SCAPER: variants seen among roughly 807,000 people sequenced by gnomAD.
The protein encoded by SCAPER is S-phase cyclin A associated protein in the ER, also known as S phase cyclin A-associated protein in the endoplasmic reticulum.
A neutral mutation model predicts 182.2 loss-of-function variants in SCAPER; 98 were observed. That is an observed-to-expected ratio of 0.54 (90% CI 0.46 to 0.64). The LOEUF (loss-of-function observed/expected upper bound fraction) is 0.64, where lower values mean the gene tolerates loss of function less well. Ranked by LOEUF, SCAPER falls within the 30% of genes least tolerant of loss-of-function variation. The probability of loss-of-function intolerance (pLI) is 0.00; values close to 1 mark genes in which losing one functional copy is unlikely to be tolerated. For missense variants in SCAPER, 1,432 were observed against 1,690.0 expected (o/e 0.85, Z 2.68); for synonymous variants, 605 against 564.6 (o/e 1.07, Z -1.01).
chr15:76,692,802 A>G (rs1439482489), intron 20 of SCAPER, among the ~76,000 whole-genome samples: 1 of 151,920 alleles, frequency 6.6e-6, no homozygotes, highest in Non-Finnish European at 1.5e-5. Flanking sequence ...AAAAGGAAAA[A>G]AAAAGTCAAA....
At chr15:76,558,714 C>T (rs1004554422) in intron 23 of SCAPER, among the ~76,000 whole-genome samples, 1 of 152,014 alleles carries the variant, frequency 6.6e-6, no homozygotes, top group African/African-American at 2.4e-5. Flanking sequence ...TAAAGACACA[C>T]GCACATGTAT....
intron 20 of SCAPER, among the ~76,000 whole-genome samples, chr15:76,675,003 G>T (rs933803340): frequency 1.3e-5 from 2 of 152,156 alleles, no homozygotes; most frequent in Admixed American, 1.3e-4. Context: ...TAGCCATAAT[G>T]AAATGTTACC....
intron 21 of SCAPER, among the ~76,000 whole-genome samples, chr15:76,660,012 T>C (rs746949785): frequency 5.9e-5 from 9 of 151,576 alleles, no homozygotes; most frequent in Non-Finnish European, 1.2e-4. Context: ...AATGGGAGAG[T>C]GGACAAAGAA....
chr15:76,382,617 A>T (rs1374225967), intron 27 of SCAPER, among the ~76,000 whole-genome samples: 2 of 152,168 alleles, frequency 1.3e-5, no homozygotes, highest in East Asian at 3.9e-4. Flanking sequence ...CTAAGGAATC[A>T]CCTCTCCTTA....
At chr15:76,887,871 C>T (rs1182629207) in intron 1 of SCAPER, among the ~76,000 whole-genome samples, 5 of 152,324 alleles carry the variant, frequency 3.3e-5, no homozygotes, top group Admixed American at 1.3e-4. Flanking sequence ...CCCTGACCCC[C>T]GTGTAGCCTA....
At chr15:76,503,415 A>G (rs181560155) in intron 24 of SCAPER, among the ~76,000 whole-genome samples, 1 of 152,318 alleles carries the variant, frequency 6.6e-6, no homozygotes, top group African/African-American at 2.4e-5. Context: ...GAATACCTAT[A>G]CCATTCTTCA....
intron 25 of SCAPER, among the ~76,000 whole-genome samples, chr15:76,441,790 A>G (rs2142695240): frequency 6.6e-6 from 1 of 152,292 alleles, no homozygotes; most frequent in East Asian, 1.9e-4. Context: ...CCAGTGCAAT[A>G]GTTACCTCCT....
chr15:76,701,895 C>A, intron 19 of SCAPER, 30 bp from the exon 20 acceptor site: 1 of 1,485,000 alleles, frequency 6.7e-7, no homozygotes, highest in Non-Finnish European at 9.4e-7. Flanking sequence ...GCAATGTAAT[C>A]AATATAACAT....
At chr15:76,497,989 CAAA>C (rs747096625) in intron 24 of SCAPER, among the ~76,000 whole-genome samples, 7 of 58,322 alleles carry the variant, frequency 1.2e-4, no homozygotes, top group African/African-American at 2.5e-4. Context: ...GACTCCGTCT[CAAA>C]AAAAAAAAAA....
chr15:76,770,079 T>C (rs535008997), intron 10 of SCAPER, among the ~76,000 whole-genome samples: 1 of 151,904 alleles, frequency 6.6e-6, no homozygotes, highest in Non-Finnish European at 1.5e-5. Context: ...CTGGAAACCA[T>C]CATTCTAAGC....
At chr15:76,548,733 G>C (rs2045503454) in intron 23 of SCAPER, among the ~76,000 whole-genome samples, 1 of 152,204 alleles carries the variant, frequency 6.6e-6, no homozygotes, top group Admixed American at 6.5e-5. Flanking sequence ...TGGAAAACTG[G>C]CTAGCCAGAT....
At chr15:76,500,431 T>C (rs1421437353) in intron 24 of SCAPER, among the ~76,000 whole-genome samples, 1 of 152,198 alleles carries the variant, frequency 6.6e-6, no homozygotes, top group East Asian at 1.9e-4. Flanking sequence ...CTCTTTTTGG[T>C]GGCCCAAGAG....
chr15:76,796,366 T>G (rs1459719859), intron 7 of SCAPER, among the ~76,000 whole-genome samples: 1 of 152,230 alleles, frequency 6.6e-6, no homozygotes, highest in African/African-American at 2.4e-5. Flanking sequence ...CAAAAATTTA[T>G]CTTAGTTTTC....
intron 20 of SCAPER, among the ~76,000 whole-genome samples, chr15:76,701,311 T>G (rs1245821432): frequency 6.6e-6 from 1 of 152,148 alleles, no homozygotes; most frequent in East Asian, 1.9e-4. Flanking sequence ...TGAAAAATAT[T>G]CATATACATA....
chr15:76,775,241 G>A (rs1392143645), intron 8 of SCAPER, 124 bp from the exon 9 acceptor site: 1 of 792,442 alleles, frequency 1.3e-6, no homozygotes, highest in Non-Finnish European at 1.9e-6. Flanking sequence ...ACAAACATGA[G>A]AGTATTATAC....
chr15:76,500,461 AATT>A (rs1446120891), intron 24 of SCAPER, among the ~76,000 whole-genome samples: 23 of 152,238 alleles, frequency 1.5e-4, no homozygotes, highest in Admixed American at 1.4e-3. Flanking sequence ...TTGCCTTGTG[AATT>A]ATGAACATCT....
At chr15:76,776,575 TG>T (rs1397180260) in intron 8 of SCAPER, among the ~76,000 whole-genome samples, 5 of 152,084 alleles carry the variant, frequency 3.3e-5, no homozygotes, top group Admixed American at 1.3e-4. Flanking sequence ...GAAAAAGTAG[TG>T]GGGGGCAGAT....
At chr15:76,698,010 G>A (rs1356033118) in intron 20 of SCAPER, among the ~76,000 whole-genome samples, 1 of 151,924 alleles carries the variant, frequency 6.6e-6, no homozygotes, top group African/African-American at 2.4e-5. Flanking sequence ...AGGCAATTAA[G>A]GATTTTTTTA....
At position 76,532,450 on chromosome 15, in the gene SCAPER, C is replaced by T. The variant is rs145038483; in HGVS notation, c.2839-27476G>A. ...CTCCCGAGCTCAAATGATCCTCGTG[C>T]CTTGGCCTCCCAAAGTGCTGGGATT... On this transcript the variant is annotated intron_variant, in intron 23 of 31. Transcript: ENST00000563290. 5.8e-4 allele frequency among the ~76,000 whole-genome samples: 88 copies of T among 152,066 alleles called. 2 individuals carry two copies. In the East Asian group the frequency reaches 0.013, roughly 23 times the overall value.
Sources: allele counts gnomAD v4.1 joint callset (sites outside exome capture counted in the v4.1 genomes callset), GRCh38; gene constraint gnomAD v4.1.1; transcripts MANE v1.5; gene names NCBI Gene and HGNC (gene_info 2026-07-23, HGNC 2026-07-21).